MYO9A: variants seen among roughly 807,000 people sequenced by gnomAD.
The protein encoded by MYO9A is myosin IXA.
A neutral mutation model predicts 293.3 loss-of-function variants in MYO9A; 103 were observed. That is an observed-to-expected ratio of 0.35 (90% CI 0.30 to 0.41). The LOEUF (loss-of-function observed/expected upper bound fraction) is 0.41, where lower values mean the gene tolerates loss of function less well. MYO9A is among the 10% of genes least tolerant of loss of function. The pLI, the probability that MYO9A is intolerant of heterozygous loss-of-function variation, is 1.00. For synonymous variants in MYO9A, 1,001 were observed against 1,035.7 expected (o/e 0.97, Z 0.64); for missense variants, 2,685 against 3,033.0 (o/e 0.89, Z 2.69).
In MYO9A at chr15:72,027,858, G is replaced by A. The variant is rs1331876364; in HGVS notation, c.936-65C>T. 2.6e-6 allele frequency: 3 copies of A among 1,170,166 alleles called. No homozygotes were observed. In the East Asian group the frequency reaches 7.1e-5, roughly 28 times the overall value. The allele number at this position is 1,170,166 out of a possible 1,614,324, so 72.5% of individuals were successfully genotyped here. A position where few individuals can be genotyped will look rare whatever the true frequency, so the allele number is the denominator to read the frequency against. On this transcript the variant is annotated intron_variant, in intron 3 of 41. Transcript: ENST00000356056. ...TTTAATATAAGGCAGAAAAATATTT[G>A]GAGACAGTGTAAAAGTATAAAGAAT...
chr15:71,975,303 CGTGT>C (rs3028361), intron 12 of MYO9A, among the ~76,000 whole-genome samples: 39 of 143,770 alleles, frequency 2.7e-4, no homozygotes, highest in African/African-American at 9.1e-4. Flanking sequence ...ATGATTTTAT[CGTGT>C]GTGTGTGTGT....
At chr15:72,051,482 C>T (rs2078562056) in intron 1 of MYO9A, among the ~76,000 whole-genome samples, 1 of 152,104 alleles carries the variant, frequency 6.6e-6, no homozygotes, top group South Asian at 2.1e-4. Flanking sequence ...CCAGGCACAG[C>T]TGCAGCCGCC....
At position 71,968,169 on chromosome 15, in the gene MYO9A, G is replaced by C; in HGVS notation, c.1845-44C>G. On this transcript the variant is annotated intron_variant, in intron 12 of 41. Coordinates refer to ENST00000356056, the MANE Select transcript of MYO9A (RefSeq NM_006901.4). ...AAAAAATATCATTACAGAAAGATGA[G>C]AAAGATGCGGTAATTAGTACAGCCC... 4 of 1,472,406 alleles carry C rather than the reference G, an allele frequency of 2.7e-6. No homozygotes were observed. In the African/African-American group the frequency reaches 5.7e-5, roughly 21 times the overall value. 91.2% of individuals were successfully genotyped at this position (1,472,406 alleles called of 1,614,324 possible).
At chr15:72,039,709 G>A (rs1030952808) in intron 2 of MYO9A, among the ~76,000 whole-genome samples, 2 of 152,142 alleles carry the variant, frequency 1.3e-5, no homozygotes, top group Admixed American at 6.5e-5. Context: ...CACACCTATA[G>A]TCCCAGCTAC....
At chr15:72,098,513 A>G (rs1036431009) in intron 1 of MYO9A, among the ~76,000 whole-genome samples, 75 of 152,240 alleles carry the variant, frequency 4.9e-4, no homozygotes, top group African/African-American at 1.8e-3. Flanking sequence ...TTTGAAATAA[A>G]TAACAAAACT....
chr15:72,117,331 C>T (rs1271902233), intron 1 of MYO9A, among the ~76,000 whole-genome samples: 3 of 152,142 alleles, frequency 2.0e-5, no homozygotes, highest in Non-Finnish European at 4.4e-5. Flanking sequence ...TGCCTGAGAA[C>T]TGTAATCACG....
intron 1 of MYO9A, among the ~76,000 whole-genome samples, chr15:72,086,749 G>GA (rs1308237228): frequency 8.0e-5 from 1 of 12,444 alleles, no homozygotes; most frequent in Non-Finnish European, 4.3e-3. Context: ...GGGCTGTTTT[G>GA]TTTTTTTTGT....
At chr15:71,980,717 A>T (rs1202392203) in intron 11 of MYO9A, among the ~76,000 whole-genome samples, 2 of 152,180 alleles carry the variant, frequency 1.3e-5, no homozygotes, top group African/African-American at 4.8e-5. Context: ...ATGCACCTGT[A>T]GTCCCAGCTA....
intron 2 of MYO9A, chr15:72,040,214 C>T (rs145643269): frequency 6.6e-6 from 1 of 152,538 alleles, no homozygotes; most frequent in Non-Finnish European, 1.5e-5. Flanking sequence ...TTTTCCAAAA[C>T]AGTGCCCCGT....
At chr15:71,903,181 C>G (rs915172911) in intron 21 of MYO9A, 118 bp from the exon 22 acceptor site, 4 of 820,246 alleles carry the variant, frequency 4.9e-6, no homozygotes, top group Non-Finnish European at 7.3e-6. Context: ...GAAACCAAGA[C>G]GTGCATGTTA....
chr15:71,938,299 T>C (rs1460249361), intron 16 of MYO9A, among the ~76,000 whole-genome samples: 1 of 151,786 alleles, frequency 6.6e-6, no homozygotes, highest in Non-Finnish European at 1.5e-5. Flanking sequence ...CTAGAAACAA[T>C]GTTCTCCTCA....
intron 32 of MYO9A, among the ~76,000 whole-genome samples, chr15:71,872,185 C>G (rs1311655370): frequency 6.6e-6 from 1 of 151,594 alleles, no homozygotes. Flanking sequence ...GATTGGCAGT[C>G]ATTTTTTTTC....
At chr15:71,868,083 A>T (rs548954331) in intron 32 of MYO9A, among the ~76,000 whole-genome samples, 4 of 152,342 alleles carry the variant, frequency 2.6e-5, no homozygotes, top group Admixed American at 2.6e-4. Flanking sequence ...AGAGACTTTT[A>T]GTCTCACCAG....
At chr15:72,067,688 A>G (rs377135516) in intron 1 of MYO9A, among the ~76,000 whole-genome samples, 20 of 152,216 alleles carry the variant, frequency 1.3e-4, no homozygotes, top group African/African-American at 4.8e-4. Flanking sequence ...TAACCAAAAC[A>G]TGAATCTTAA....
rs765480910 is a variant in MYO9A, at chr15:71,826,744, G to GCTT, written c.7482_7483insAAG (p.Asn2494_Pro2495insLys). The stretch of plus-strand genomic sequence containing the variant: ...TTTAATTTTTGTTTGCCCTTTTCCG[G>GCTT]GTTGAAGGTTCCTCTGCTGATGAAC... On this transcript the variant is annotated inframe_insertion, in exon 42 of 42. Transcript: ENST00000356056. 2 of 1,614,064 alleles carry GCTT rather than the reference G, an allele frequency of 1.2e-6. No individual in the cohort carries two copies. The highest frequency in any genetic ancestry group is 2.2e-5 in the South Asian group (2 of 91,078).
At chr15:72,044,842 C>A (rs920091611) in intron 2 of MYO9A, among the ~76,000 whole-genome samples, 1 of 152,174 alleles carries the variant, frequency 6.6e-6, no homozygotes, top group African/African-American at 2.4e-5. Context: ...GCTTTCTCCC[C>A]TTATAGGGGG....
At chr15:72,070,234 G>T (rs182122040) in intron 1 of MYO9A, among the ~76,000 whole-genome samples, 104 of 151,536 alleles carry the variant, frequency 6.9e-4, no homozygotes, top group Non-Finnish European at 1.8e-4. Flanking sequence ...CTGAGGCCAC[G>T]AGTTCGAGAC....
chr15:71,884,045 G>A (rs1313813489), intron 27 of MYO9A, among the ~76,000 whole-genome samples: 2 of 152,008 alleles, frequency 1.3e-5, no homozygotes, highest in South Asian at 2.1e-4. Flanking sequence ...AAGCAGTGGA[G>A]CTAGAATTCT....
At chr15:71,904,291 T>C (rs1368364197) in intron 20 of MYO9A, among the ~76,000 whole-genome samples, 1 of 152,154 alleles carries the variant, frequency 6.6e-6, no homozygotes. Flanking sequence ...AGAGAGGACC[T>C]TAAAGGCTCA....
Sources: allele counts gnomAD v4.1 joint callset (sites outside exome capture counted in the v4.1 genomes callset), GRCh38; gene constraint gnomAD v4.1.1; transcripts MANE v1.5; gene names NCBI Gene and HGNC (gene_info 2026-07-23, HGNC 2026-07-21).